PTBP1: variants seen among roughly 807,000 people sequenced by gnomAD.
PTBP1 encodes polypyrimidine tract-binding protein 1.
A neutral mutation model predicts 59.8 loss-of-function variants in PTBP1; 8 were observed. That is an observed-to-expected ratio of 0.13 (90% confidence interval 0.08 to 0.24). The LOEUF is 0.24. PTBP1 is among the 10% of genes least tolerant of loss of function. The probability of loss-of-function intolerance (pLI) is 1.00; values close to 1 mark genes in which losing one functional copy is unlikely to be tolerated. For missense variants in PTBP1, 686 were observed against 767.0 expected, an observed-to-expected ratio of 0.89 and a Z score of 1.25; for synonymous variants, 490 against 320.7, an observed-to-expected ratio of 1.53 and a Z score of -5.64.
chr19:797,856 G>T (rs1224556668), intron 1 of PTBP1, among the ~76,000 whole-genome samples: 1 of 148,470 alleles, frequency 6.7e-6, no homozygotes, highest in Non-Finnish European at 1.5e-5. Flanking sequence ...GCCCTCGCGC[G>T]CCCGGATGGC....
intron 13 of PTBP1, among the ~76,000 whole-genome samples, chr19:810,327 G>A (rs1026548389): frequency 6.6e-6 from 1 of 151,900 alleles, no homozygotes; most frequent in African/African-American, 2.4e-5. Context: ...GTGGAGGAGC[G>A]TGGTACTCTG....
chr19:799,708 C>T (rs1005945747), intron 2 of PTBP1, among the ~76,000 whole-genome samples: 63 of 152,218 alleles, frequency 4.1e-4, no homozygotes, highest in African/African-American at 1.5e-3. Flanking sequence ...GCAGCGAGGG[C>T]TCTGTGTGCC....
At chr19:805,592 T>G in intron 9 of PTBP1, 23 bp downstream of exon 9, 1 of 1,596,688 alleles carries the variant, frequency 6.3e-7, no homozygotes, top group Non-Finnish European at 8.6e-7. Flanking sequence ...TTGGTCTTGG[T>G]TCCCCAGCGA....
At position 808,430 on chromosome 19, in the gene PTBP1, G is replaced by A. The variant is rs750992439; in HGVS notation, c.1224G>A (p.Ala408=). 8.7e-6 allele frequency: 14 copies of A among 1,605,882 alleles called. No homozygotes were observed. Among genetic ancestry groups the A allele is most frequent in the South Asian group, 5.5e-5 (5 of 90,116 alleles). ...AGGAGAACGCCCTAGTGCAGATGGCGGACGGCAACCAGGCCCAGCTGGGTA... is the reference window on the plus strand; with the variant it reads ...AGGAGAACGCCCTAGTGCAGATGGCAGACGGCAACCAGGCCCAGCTGGGTA... ...NKKENALVQM[A]DGNQAQLAMS... Residue 408 remains alanine (A), a synonymous_variant, in exon 12 of 15, where the codon GCG becomes GCA. Coordinates refer to ENST00000356948, the MANE Select transcript of PTBP1 (RefSeq NM_002819.5). The surrounding 1 kb of genome is among the most constrained non-coding windows in gnomAD (Gnocchi z 4.7).
At chr19:801,418 A>G (rs945966565) in intron 2 of PTBP1, among the ~76,000 whole-genome samples, 2 of 152,242 alleles carry the variant, frequency 1.3e-5, no homozygotes, top group African/African-American at 4.8e-5. Context: ...GTTGTGGGCA[A>G]TGCCAGGCCA....
rs561483044 is a variant in PTBP1 at position 811,078 on chromosome 19, C to G, written c.*252C>G. On this transcript the variant is annotated 3_prime_UTR_variant, in exon 15 of 15. Coordinates refer to ENST00000356948, the MANE Select transcript of PTBP1 (RefSeq NM_002819.5). Reference sequence around the variant, plus strand: ...CCCTCCACACCCGGGGCCAGACCCTCGGGGCCATGCCTTGGTGGGGCCTGT... The same window carrying G: ...CCCTCCACACCCGGGGCCAGACCCTGGGGGCCATGCCTTGGTGGGGCCTGT... The G allele has an allele frequency of 1.3e-5, 5 of 399,612 alleles. No homozygotes were observed. Among genetic ancestry groups the G allele is most frequent in the East Asian group, 8.7e-5 (2 of 23,088 alleles). The allele number at this position is 399,612 out of a possible 1,614,324, so 24.8% of individuals were successfully genotyped here.
At chr19:799,321 A>T (rs758407120) in intron 1 of PTBP1, 92 bp from the exon 2 acceptor site, 3 of 1,164,704 alleles carry the variant, frequency 2.6e-6, no homozygotes, top group Non-Finnish European at 3.9e-6. Context: ...AGCTGCAGGG[A>T]CCTACGGGCT....
chr19:799,642 T>A (rs1340786284), intron 2 of PTBP1, among the ~76,000 whole-genome samples, 199 bp downstream of exon 2: 1 of 152,188 alleles, frequency 6.6e-6, no homozygotes, highest in Non-Finnish European at 1.5e-5. Flanking sequence ...GGGGCTTGGG[T>A]TTGCTGGCCG....
Position 809,072 on chromosome 19 carries a change from G to A in PTBP1, c.1463+310G>A, listed in dbSNP as rs139144522. 1.6e-3 allele frequency among the ~76,000 whole-genome samples: 241 copies of A among 152,214 alleles called. 1 individual carries two copies. The highest frequency in any genetic ancestry group is 5.2e-3 in the African/African-American group (216 of 41,530). On this transcript the variant is annotated intron_variant, in intron 13 of 14. Coordinates refer to ENST00000356948, the MANE Select transcript of PTBP1 (RefSeq NM_002819.5). ...CACCCAGGCTGGAGTACAGTGGAAC[G>A]ATCTCGGTTCACTGCAACCTCCGCC...
chr19:810,817 C>T lies in PTBP1; in HGVS notation c.1665C>T (p.Ser555=), dbSNP rs769447838. 3 of 1,581,118 alleles carry T rather than the reference C, an allele frequency of 1.9e-6. No individual in the cohort carries two copies. The highest frequency in any genetic ancestry group is 2.6e-6 in the Non-Finnish European group (3 of 1,168,586). The change falls in exon 15 of 15, where the codon TCC becomes TCT. Residue 555 remains serine, a synonymous_variant. Coordinates refer to ENST00000356948, the MANE Select transcript of PTBP1 (RefSeq NM_002819.5). ...ACCTGCGGGTCTCCTTCTCCAAGTC[C>T]ACCATCTAGGGGCACAGGCCCCCAC... ...NHHLRVSFSK[S]TI
At position 808,301 on chromosome 19, in the gene PTBP1, C is replaced by G. The variant is rs546903797; in HGVS notation, c.1154-59C>G. On this transcript the variant is annotated intron_variant, in intron 11 of 14. Transcript: ENST00000356948. The surrounding 1 kb of genome is among the most constrained non-coding windows in gnomAD (Gnocchi z 4.7). ...TGGGGGTGCGCGGGGCCGGGGCTGA[C>G]GGGGAGATGGGCGGGGCAGGCAGCA... 2.8e-6 allele frequency: 4 copies of G among 1,404,626 alleles called. No homozygotes were observed. Among genetic ancestry groups the G allele is most frequent in the Non-Finnish European group, 3.9e-6 (4 of 1,015,268 alleles). 87.0% of individuals were successfully genotyped at this position (1,404,626 alleles called of 1,614,324 possible). A position where few individuals can be genotyped will look rare whatever the true frequency, so the allele number is the denominator to read the frequency against.
In PTBP1 at chr19:807,895, T is replaced by C; in HGVS notation, c.1146T>C (p.Ile382=). ...GAGTCACACCCCAAAGCCTCTTTAT[T>C]CTTTTCGGTATGTTATCGTTCACAC... ...PERVTPQSLF[I]LFGVYGDVQR... is the part of the protein sequence containing the mutation. The change falls in exon 11 of 15, where the codon ATT becomes ATC. Residue 382 remains isoleucine, a synonymous_variant. Coordinates refer to ENST00000356948, the MANE Select transcript of PTBP1 (RefSeq NM_002819.5). 3 of 1,613,184 alleles carry C rather than the reference T, an allele frequency of 1.9e-6. No homozygotes were observed. The highest frequency in any genetic ancestry group is 2.5e-6 in the Non-Finnish European group (3 of 1,179,152).
intron 2 of PTBP1, among the ~76,000 whole-genome samples, chr19:803,088 C>G: frequency 6.6e-6 from 1 of 152,208 alleles, no homozygotes; most frequent in Non-Finnish European, 1.5e-5. Context: ...ATTTGGTTCT[C>G]TTGCGAGGCC....
At chr19:801,497 C>T (rs111583866) in intron 2 of PTBP1, among the ~76,000 whole-genome samples, 46 of 152,384 alleles carry the variant, frequency 3.0e-4, no homozygotes, top group Non-Finnish European at 4.4e-4. Context: ...GAAGCGGCCC[C>T]GCCCACCACT....
chr19:801,498 G>A (rs571882883), intron 2 of PTBP1, among the ~76,000 whole-genome samples: 11 of 152,354 alleles, frequency 7.2e-5, no homozygotes, highest in African/African-American at 1.9e-4. Context: ...AAGCGGCCCC[G>A]CCCACCACTC....
intron 1 of PTBP1, chr19:798,655 C>T (rs1019309268): frequency 6.6e-6 from 1 of 152,360 alleles, no homozygotes; most frequent in Non-Finnish European, 1.5e-5. Context: ...CCGGAGGCTG[C>T]CCTTCCGACG....
intron 9 of PTBP1, 182 bp from the exon 10 acceptor site, chr19:806,226 G>GGAGCC (rs1381246326): frequency 1.7e-6 from 1 of 581,310 alleles, no homozygotes; most frequent in East Asian, 3.6e-5. Context: ...CGCTGGTGCA[G>GGAGCC]GAGCCGGCGG....
rs905724911 is a variant in PTBP1 at position 806,571 on chromosome 19, C to T, written c.1119+15C>T. The T allele has an allele frequency of 7.4e-6, 11 of 1,482,266 alleles. No homozygotes were observed. The Admixed American group carries it at 1.2e-4, about 16-fold the overall frequency. The allele number at this position is 1,482,266 out of a possible 1,614,324, so 91.8% of individuals were successfully genotyped here. On this transcript the variant is annotated intron_variant, in intron 10 of 14. Coordinates refer to ENST00000356948, the MANE Select transcript of PTBP1 (RefSeq NM_002819.5). The stretch of plus-strand genomic sequence containing the variant: ...TCAACCCAGAGGTACGTGGGCTTTT[C>T]CTCCGCGCCGCCGTTCCTCCCGGAA...
chr19:808,889 C>G lies in PTBP1; in HGVS notation c.1463+127C>G, dbSNP rs751798141. The G allele has an allele frequency of 5.9e-6, 5 of 850,054 alleles. No homozygotes were observed. Among genetic ancestry groups the G allele is most frequent in the South Asian group, 1.6e-5 (1 of 61,224 alleles). The allele number at this position is 850,054 out of a possible 1,614,324, so 52.7% of individuals were successfully genotyped here. On this transcript the variant is annotated intron_variant, in intron 13 of 14. Coordinates refer to ENST00000356948, the MANE Select transcript of PTBP1 (RefSeq NM_002819.5). This position sits in a 1 kb window ranked among gnomAD's most constrained non-coding sequence, Gnocchi z 4.7. The stretch of plus-strand genomic sequence containing the variant: ...CAGGTCGGGCACCTCTTACCCCAAA[C>G]CTGAAGTACTGCAAGGCCTGGAGCT...
Sources: gnomAD v4.1 joint callset for allele counts (sites outside exome capture counted in the v4.1 genomes callset) on GRCh38, gnomAD v4.1.1 for gene constraint, Gnocchi (gnomAD v3.1) non-coding constraint, MANE v1.5 for transcripts, NCBI Gene and HGNC (gene_info 2026-07-23, HGNC 2026-07-21) for gene names.